The following TECR variants were observed in gnomAD, a reference collection of about 807,000 sequenced individuals.
The protein encoded by TECR is very-long-chain enoyl-CoA reductase.
In TECR, 19 loss-of-function variants were observed where a neutral mutation model predicts 50.6. The observed-to-expected ratio is 0.38, with a 90% confidence interval of 0.26 to 0.55. The LOEUF (loss-of-function observed/expected upper bound fraction) is 0.55. Ranked by LOEUF, TECR falls within the 20% of genes least tolerant of loss-of-function variation. TECR has a pLI of 0.79. For missense variants in TECR, 313 were observed against 408.3 expected (o/e 0.77, Z 2.01); for synonymous variants, 168 against 163.5 (o/e 1.03, Z -0.21).
intron 1 of TECR, among the ~76,000 whole-genome samples, chr19:14,532,835 C>T (rs1335436775): frequency 6.6e-6 from 1 of 152,126 alleles, no homozygotes; most frequent in African/African-American, 2.4e-5. Flanking sequence ...TCTGGCCGGG[C>T]GAGGTGGCTC....
At chr19:14,548,777 G>C (rs1250228923) in intron 1 of TECR, among the ~76,000 whole-genome samples, 3 of 151,990 alleles carry the variant, frequency 2.0e-5, no homozygotes, top group African/African-American at 4.8e-5. Flanking sequence ...GGTTCACCAT[G>C]TTGGCCAGGC....
At chr19:14,541,307 C>T (rs60066737) in intron 1 of TECR, among the ~76,000 whole-genome samples, 29,832 of 151,998 alleles carry the variant, frequency 0.2, 3,185 homozygotes, top group South Asian at 0.33. Flanking sequence ...CTCTTGGCCA[C>T]AAGCCCTGGG....
At chr19:14,543,655 G>A (rs1322904140) in intron 1 of TECR, among the ~76,000 whole-genome samples, 1 of 149,930 alleles carries the variant, frequency 6.7e-6, no homozygotes, top group Non-Finnish European at 1.5e-5. Flanking sequence ...AGCCAGGATG[G>A]TCTCGATCTC....
chr19:14,565,588 C>G, intron 11 of TECR, 30 bp from the exon 12 acceptor site: 1 of 1,602,568 alleles, frequency 6.2e-7, no homozygotes, highest in Non-Finnish European at 8.5e-7. Context: ...TGCGAGGCTG[C>G]CCACGCTCAC....
At chr19:14,528,159 C>G (rs1011899345), upstream of TECR, among the ~76,000 whole-genome samples, 1 of 152,054 alleles carries the variant, frequency 6.6e-6, no homozygotes, top group Non-Finnish European at 1.5e-5. Flanking sequence ...GCTGGGATTA[C>G]AGGTGTGAGC....
At chr19:14,559,712 G>C (rs1239763554) in intron 1 of TECR, among the ~76,000 whole-genome samples, 1 of 151,956 alleles carries the variant, frequency 6.6e-6, no homozygotes, top group Non-Finnish European at 1.5e-5. Flanking sequence ...GTTTGAACCT[G>C]GGGGGCGGAG....
At chr19:14,542,617 C>G (rs985102864) in intron 1 of TECR, among the ~76,000 whole-genome samples, 7 of 152,088 alleles carry the variant, frequency 4.6e-5, no homozygotes. Flanking sequence ...ACGCTTTGGC[C>G]TCCCAAAGTG....
chr19:14,559,161 C>G (rs1455213858), intron 1 of TECR, among the ~76,000 whole-genome samples: 1 of 152,188 alleles, frequency 6.6e-6, no homozygotes, highest in Non-Finnish European at 1.5e-5. Context: ...TTACCCCTCA[C>G]CCCTTTAAAC....
intron 1 of TECR, among the ~76,000 whole-genome samples, chr19:14,551,382 A>G (rs529072226): frequency 1.3e-5 from 2 of 151,920 alleles, no homozygotes; most frequent in African/African-American, 4.8e-5. Flanking sequence ...GCCAATTATT[A>G]TATTTTGTGT....
intron 1 of TECR, among the ~76,000 whole-genome samples, chr19:14,545,404 C>CCCTCTGCACCGCTGTCT (rs1292456896): frequency 1.6e-5 from 2 of 128,220 alleles, no homozygotes; most frequent in South Asian, 2.9e-4. Flanking sequence ...GCCCTCTGGG[C>CCCTCTGCACCGCTGTCT]CCTCTGCACC....
intron 1 of TECR, among the ~76,000 whole-genome samples, chr19:14,547,384 A>G (rs1018493024): frequency 1.3e-5 from 2 of 151,914 alleles, no homozygotes; most frequent in Non-Finnish European, 2.9e-5. Flanking sequence ...TTTTTGAGAC[A>G]GAGTCTCAGT....
At chr19:14,560,491 C>T (rs574017752) in intron 1 of TECR, among the ~76,000 whole-genome samples, 2 of 152,342 alleles carry the variant, frequency 1.3e-5, no homozygotes, top group African/African-American at 4.8e-5. Flanking sequence ...CCGTGGATCC[C>T]GCCCCGTGTC....
At chr19:14,549,847 G>A (rs2073433019) in intron 1 of TECR, among the ~76,000 whole-genome samples, 2 of 152,004 alleles carry the variant, frequency 1.3e-5, no homozygotes, top group South Asian at 4.2e-4. Flanking sequence ...GGAGGCTGAG[G>A]CAGGAGAATC....
intron 1 of TECR, chr19:14,561,818 C>A (rs1191763977): frequency 6.5e-6 from 1 of 154,984 alleles, no homozygotes; most frequent in Non-Finnish European, 1.4e-5. Context: ...TCCAAAGTGT[C>A]TCTTACAGCT....
intron 1 of TECR, among the ~76,000 whole-genome samples, chr19:14,556,531 C>T (rs1462224097): frequency 6.6e-6 from 1 of 152,210 alleles, no homozygotes; most frequent in Non-Finnish European, 1.5e-5. Context: ...GCTTGCCCAG[C>T]ACGCACAGGC....
chr19:14,543,363 T>A (rs1198945334), intron 1 of TECR, among the ~76,000 whole-genome samples: 1 of 139,424 alleles, frequency 7.2e-6, no homozygotes, highest in Non-Finnish European at 1.5e-5. Context: ...AACAGTGTAT[T>A]GCCTGTATAC....
chr19:14,542,356 T>G (rs1201894895), intron 1 of TECR, among the ~76,000 whole-genome samples: 5 of 121,924 alleles, frequency 4.1e-5, no homozygotes, highest in African/African-American at 9.8e-5. Flanking sequence ...TGTTTTTTTT[T>G]TTTTTTTTTT....
At chr19:14,550,971 C>T (rs948333595) in intron 1 of TECR, among the ~76,000 whole-genome samples, 8 of 151,748 alleles carry the variant, frequency 5.3e-5, no homozygotes, top group Admixed American at 1.3e-4. Context: ...CACACCCGGC[C>T]GCTCCTTTTA....
At position 14,535,002 on chromosome 19, in the gene TECR, T is replaced by A. The variant is rs940065940; in HGVS notation, c.15+5291T>A. ...GGGAGGGCGAGGTGCTGCGGGTCAG[T>A]GTGGACTGCTGGGAGAGGGTCTTTC... On this transcript the variant is annotated intron_variant, in intron 1 of 12. Coordinates refer to ENST00000215567, the MANE Select transcript of TECR (RefSeq NM_138501.6). Among the ~76,000 whole-genome samples, 3 of 152,000 alleles carry A rather than the reference T, an allele frequency of 2.0e-5. No individual in the cohort carries two copies. The East Asian group carries it at 5.8e-4, about 29-fold the overall frequency.
Sources: allele counts gnomAD v4.1 joint callset (sites outside exome capture counted in the v4.1 genomes callset), GRCh38; gene constraint gnomAD v4.1.1; transcripts MANE v1.5; gene names NCBI Gene and HGNC (gene_info 2026-07-23, HGNC 2026-07-21).